Variants in PIP5K1C observed in about 807,000 individuals in gnomAD.
PIP5K1C encodes the protein phosphatidylinositol 4-phosphate 5-kinase type-1 gamma.
PIP5K1C carries 45 observed loss-of-function variants against 80.1 expected under a neutral mutation model. That is an observed-to-expected ratio of 0.56 (90% CI 0.44 to 0.72). The LOEUF (loss-of-function observed/expected upper bound fraction) is 0.72. Among genes scored for constraint, PIP5K1C ranks in the 30% least tolerant of loss-of-function variants. The pLI is 0.00. For missense variants in PIP5K1C, 753 were observed against 954.6 expected (o/e 0.79, Z 2.78); for synonymous variants, 498 against 420.1 (o/e 1.19, Z -2.27).
chr19:3,684,491 C>A (rs2035689761), intron 1 of PIP5K1C, among the ~76,000 whole-genome samples: 1 of 152,214 alleles, frequency 6.6e-6, no homozygotes, highest in Admixed American at 6.5e-5. Flanking sequence ...TGGAATCCCT[C>A]CAGTACGATG....
At position 3,648,493 on chromosome 19, in the gene PIP5K1C, T is replaced by G. The variant is rs1016672632; in HGVS notation, c.1211+132A>C. The G allele has an allele frequency of 6.1e-6, 5 of 814,506 alleles. No individual in the cohort carries two copies. Among genetic ancestry groups the G allele is most frequent in the Non-Finnish European group, 8.4e-6 (4 of 478,752 alleles). 50.5% of individuals were successfully genotyped at this position (814,506 alleles called of 1,614,324 possible). On this transcript the variant is annotated intron_variant, in intron 9 of 17. Coordinates refer to ENST00000335312, the MANE Select transcript of PIP5K1C (RefSeq NM_012398.3). This position sits in a 1 kb window ranked among gnomAD's most constrained non-coding sequence, Gnocchi z 4.3. ...GGGGGCGCCCATCCACCTGTGGGAC[T>G]GCAGACCCAGGCGCCCACCTGTGGG...
chr19:3,677,142 G>A (rs899279125), intron 1 of PIP5K1C, among the ~76,000 whole-genome samples: 8 of 151,866 alleles, frequency 5.3e-5, no homozygotes, highest in African/African-American at 1.9e-4. Flanking sequence ...AATGAAAGAA[G>A]TATAAAGCAA....
chr19:3,676,430 G>A (rs975693397), intron 1 of PIP5K1C, among the ~76,000 whole-genome samples: 5 of 152,234 alleles, frequency 3.3e-5, no homozygotes, highest in Admixed American at 6.5e-5. Context: ...GTCAACTCTA[G>A]AAATCACAAT....
At chr19:3,641,868 C>CA in intron 14 of PIP5K1C, 59 bp from the exon 15 acceptor site, 1 of 1,367,556 alleles carries the variant, frequency 7.3e-7, no homozygotes, top group Non-Finnish European at 1.0e-6. Context: ...ATCCTACCCC[C>CA]AGGAGTGCCC....
intron 1 of PIP5K1C, among the ~76,000 whole-genome samples, chr19:3,695,355 C>T (rs918448435): frequency 6.6e-6 from 1 of 152,244 alleles, no homozygotes; most frequent in Non-Finnish European, 1.5e-5. Flanking sequence ...TCTCCTCCAA[C>T]AGCAACCTGG....
intron 15 of PIP5K1C, 36 bp downstream of exon 15, chr19:3,641,669 G>A (rs373523636): frequency 2.0e-5 from 31 of 1,533,630 alleles, no homozygotes; most frequent in Admixed American, 1.8e-4. Flanking sequence ...CCCGCAGCAG[G>A]TGGGCGCCCC....
At chr19:3,633,375 G>C in intron 17 of PIP5K1C, 62 bp downstream of exon 17, 2 of 1,302,110 alleles carry the variant, frequency 1.5e-6, no homozygotes, top group Non-Finnish European at 2.1e-6. Context: ...AGTAGCTGGG[G>C]ACCACGCTCA....
intron 2 of PIP5K1C, among the ~76,000 whole-genome samples, chr19:3,666,364 C>T (rs1056307268): frequency 6.6e-5 from 10 of 152,218 alleles, no homozygotes; most frequent in African/African-American, 2.2e-4. Flanking sequence ...CTCGGCGCCA[C>T]GGGGCTGGCA....
At chr19:3,670,994 G>A (rs1322930870) in intron 1 of PIP5K1C, among the ~76,000 whole-genome samples, 5 of 152,252 alleles carry the variant, frequency 3.3e-5, no homozygotes, top group Non-Finnish European at 7.3e-5. Flanking sequence ...GGACGCTGAC[G>A]TGATGTTTGG....
rs2035981352 is a variant in PIP5K1C, at chr19:3,692,621, C to G, written c.94+7676G>C. On this transcript the variant is annotated intron_variant, in intron 1 of 17. Coordinates refer to ENST00000335312, the MANE Select transcript of PIP5K1C (RefSeq NM_012398.3). This position sits in a 1 kb window ranked among gnomAD's most constrained non-coding sequence, Gnocchi z 5.2. Reference sequence around the variant, plus strand: ...TCGCCCACCTGGGCCAGTGCAGTCCCCTCTGCCCTGGTTCCCCTAGCCCAC... The same window carrying G: ...TCGCCCACCTGGGCCAGTGCAGTCCGCTCTGCCCTGGTTCCCCTAGCCCAC... Among the ~76,000 whole-genome samples, 1 of 152,140 alleles carries G rather than the reference C, an allele frequency of 6.6e-6. No homozygotes were observed. The highest frequency in any genetic ancestry group is 1.5e-5 in the Non-Finnish European group (1 of 68,022).
chr19:3,646,706 C>T (rs1165151087), intron 10 of PIP5K1C, among the ~76,000 whole-genome samples: 1 of 152,222 alleles, frequency 6.6e-6, no homozygotes, highest in Non-Finnish European at 1.5e-5. Flanking sequence ...GCCATCCTGA[C>T]CCGCTCAAGG....
chr19:3,666,316 C>T (rs1270016192), intron 2 of PIP5K1C, among the ~76,000 whole-genome samples: 1 of 152,228 alleles, frequency 6.6e-6, no homozygotes, highest in African/African-American at 2.4e-5. Context: ...AGAGGACGGC[C>T]CACCCCACTG....
chr19:3,671,213 C>T (rs1040734902), intron 1 of PIP5K1C, among the ~76,000 whole-genome samples: 23 of 152,356 alleles, frequency 1.5e-4, no homozygotes, highest in African/African-American at 5.5e-4. Flanking sequence ...GGGGCCCCCC[C>T]ACACCCACTT....
intron 8 of PIP5K1C, among the ~76,000 whole-genome samples, chr19:3,651,261 G>A (rs1475868323): frequency 6.6e-6 from 1 of 152,144 alleles, no homozygotes; most frequent in Non-Finnish European, 1.5e-5. Flanking sequence ...TTGCCATGTT[G>A]CCCAGGCTGG....
At chr19:3,693,998 G>C (rs2036025563) in intron 1 of PIP5K1C, among the ~76,000 whole-genome samples, 1 of 150,864 alleles carries the variant, frequency 6.6e-6, no homozygotes, top group East Asian at 2.0e-4. Context: ...GGATCACCAG[G>C]TCAGGAGATC....
At chr19:3,633,885 GC>G (rs1372223217) in intron 16 of PIP5K1C, among the ~76,000 whole-genome samples, 1 of 152,116 alleles carries the variant, frequency 6.6e-6, no homozygotes, top group African/African-American at 2.4e-5. Flanking sequence ...CCCCACCACA[GC>G]CCCCAATCCT....
At chr19:3,672,260 T>C (rs1183426609) in intron 1 of PIP5K1C, among the ~76,000 whole-genome samples, 1 of 152,248 alleles carries the variant, frequency 6.6e-6, no homozygotes, top group Non-Finnish European at 1.5e-5. Context: ...TGCACCCAGC[T>C]GTTCCCTGGC....
intron 1 of PIP5K1C, among the ~76,000 whole-genome samples, chr19:3,691,542 C>T (rs527950236): frequency 3.9e-5 from 6 of 151,934 alleles, no homozygotes; most frequent in African/African-American, 1.2e-4. Context: ...AGCCAAGAGC[C>T]GCAAACAGTC....
chr19:3,697,104 C>G (rs1335336870), intron 1 of PIP5K1C, among the ~76,000 whole-genome samples: 2 of 148,358 alleles, frequency 1.3e-5, no homozygotes, highest in Non-Finnish European at 3.0e-5. Context: ...CCGAGGAGGA[C>G]CAAGGAGGAC....
Sources: allele counts gnomAD v4.1 joint callset (sites outside exome capture counted in the v4.1 genomes callset), GRCh38; gene constraint gnomAD v4.1.1; non-coding constraint Gnocchi (gnomAD v3.1); transcripts MANE v1.5; gene names NCBI Gene and HGNC (gene_info 2026-07-23, HGNC 2026-07-21).